Variants in PTPRT observed in about 807,000 individuals in gnomAD.
PTPRT encodes receptor-type tyrosine-protein phosphatase T.
A neutral mutation model predicts 176.8 loss-of-function variants in PTPRT; 56 were observed. That is an observed-to-expected ratio of 0.32 (90% confidence interval 0.26 to 0.40). The LOEUF (loss-of-function observed/expected upper bound fraction) is 0.40. Ranked by LOEUF, PTPRT falls within the 10% of genes least tolerant of loss-of-function variation. The pLI is 1.00. For synonymous variants in PTPRT, 783 were observed against 739.0 expected (o/e 1.06, Z -0.96); for missense variants, 1,540 against 1,908.2 (o/e 0.81, Z 3.60).
chr20:42,911,052 A>G (rs1221202335), intron 1 of PTPRT, among the ~76,000 whole-genome samples: 1 of 152,178 alleles, frequency 6.6e-6, no homozygotes, highest in African/African-American at 2.4e-5. Context: ...AACTGCCCCC[A>G]TGATTCAATT....
Position 42,717,851 on chromosome 20 carries a change from A to G in PTPRT, c.859+38611T>C, listed in dbSNP as rs555814883. On this transcript the variant is annotated intron_variant, in intron 6 of 30. Coordinates refer to ENST00000373187, the MANE Select transcript of PTPRT (RefSeq NM_007050.6). ...AGACCTGAATATCCAATTCAAACAC[A>G]TGACATCAAGATCACCTGTGTGTGT... is the stretch of plus-strand genomic sequence containing the variant. Among the ~76,000 whole-genome samples the G allele has an allele frequency of 1.8e-4, 27 of 151,996 alleles. 1 individual carries two copies. The South Asian group carries it at 5.4e-3, about 30-fold the overall frequency.
chr20:42,776,589 G>A (rs1178429757), intron 4 of PTPRT, among the ~76,000 whole-genome samples: 1 of 152,104 alleles, frequency 6.6e-6, no homozygotes, highest in African/African-American at 2.4e-5. Flanking sequence ...CTCCAGAACT[G>A]TGAGAAAATA....
intron 1 of PTPRT, among the ~76,000 whole-genome samples, chr20:43,186,913 G>A (rs2015408449): frequency 6.6e-6 from 1 of 152,162 alleles, no homozygotes. Context: ...TGTGGATTCT[G>A]AAACCCACTA....
chr20:42,108,070 A>G (rs897157976), intron 23 of PTPRT, among the ~76,000 whole-genome samples: 1 of 152,048 alleles, frequency 6.6e-6, no homozygotes, highest in Non-Finnish European at 1.5e-5. Flanking sequence ...TTTTTCTTCA[A>G]TGTTCATATT....
chr20:42,791,509 A>G (rs749024565), intron 2 of PTPRT, 43 bp from the exon 3 acceptor site: 1 of 1,552,324 alleles, frequency 6.4e-7, no homozygotes. Flanking sequence ...ACAAAGAGAA[A>G]GTAAGAAAAT....
At chr20:42,117,334 A>G (rs1041322936) in intron 21 of PTPRT, among the ~76,000 whole-genome samples, 3 of 152,330 alleles carry the variant, frequency 2.0e-5, no homozygotes, top group African/African-American at 7.2e-5. Context: ...TAGTTAGTTC[A>G]TATGATGTGT....
At chr20:42,521,750 G>A (rs916868084) in intron 7 of PTPRT, among the ~76,000 whole-genome samples, 2 of 152,126 alleles carry the variant, frequency 1.3e-5, no homozygotes, top group Non-Finnish European at 2.9e-5. Context: ...TGTATATAAA[G>A]TGCTTGGTTT....
chr20:42,192,173 C>CA (rs1991027444), intron 16 of PTPRT, among the ~76,000 whole-genome samples: 1 of 152,108 alleles, frequency 6.6e-6, no homozygotes, highest in South Asian at 2.1e-4. Flanking sequence ...TCCTTGACAT[C>CA]ACACACCATC....
intron 1 of PTPRT, among the ~76,000 whole-genome samples, chr20:42,945,947 T>C (rs1342016435): frequency 6.6e-6 from 1 of 152,138 alleles, no homozygotes. Context: ...TGTCTGCACA[T>C]TTCCAGAATC....
intron 27 of PTPRT, among the ~76,000 whole-genome samples, chr20:42,091,339 T>C (rs76486638): frequency 0.014 from 2,094 of 152,318 alleles, 14 homozygotes; most frequent in African/African-American, 0.025. Flanking sequence ...TTCTTGCTGA[T>C]GGAATCAGAA....
At chr20:42,850,635 A>G (rs2078452234) in intron 2 of PTPRT, among the ~76,000 whole-genome samples, 1 of 152,200 alleles carries the variant, frequency 6.6e-6, no homozygotes, top group Non-Finnish European at 1.5e-5. Context: ...CTGCAGTGTC[A>G]ACCCCAAAGG....
chr20:43,156,461 C>T (rs998869133), intron 1 of PTPRT, among the ~76,000 whole-genome samples: 11 of 152,124 alleles, frequency 7.2e-5, no homozygotes, highest in Non-Finnish European at 1.3e-4. Flanking sequence ...TGGACAGATG[C>T]CTGGATGGCA....
chr20:42,266,895 A>T (rs1418568480), intron 13 of PTPRT, among the ~76,000 whole-genome samples: 2 of 152,230 alleles, frequency 1.3e-5, no homozygotes, highest in Non-Finnish European at 2.9e-5. Context: ...TGAGGAACTG[A>T]ATTTAAAAAT....
chr20:42,511,004 T>A (rs1292006099), intron 7 of PTPRT, among the ~76,000 whole-genome samples: 2 of 151,990 alleles, frequency 1.3e-5, no homozygotes, highest in Non-Finnish European at 2.9e-5. Flanking sequence ...CATTCATGGA[T>A]TGATGGATTA....
intron 7 of PTPRT, among the ~76,000 whole-genome samples, chr20:42,532,045 G>A (rs191327303): frequency 6.6e-6 from 1 of 152,262 alleles, no homozygotes; most frequent in East Asian, 1.9e-4. Flanking sequence ...CTTGGGCTGG[G>A]GATAGGCAAG....
chr20:42,322,026 C>A (rs1415196554), intron 11 of PTPRT, among the ~76,000 whole-genome samples: 3 of 152,174 alleles, frequency 2.0e-5, no homozygotes, highest in Non-Finnish European at 4.4e-5. Flanking sequence ...TAGCCGAGAT[C>A]ACGCCACTGC....
chr20:42,065,496 G>C, the PTPRT span, among the ~76,000 whole-genome samples: 1 of 152,182 alleles, frequency 6.6e-6, no homozygotes, highest in Non-Finnish European at 1.5e-5. Flanking sequence ...ACAACGTTCT[G>C]GGAGTCCAGT....
intron 6 of PTPRT, among the ~76,000 whole-genome samples, chr20:42,738,736 G>C (rs150856010): frequency 6.6e-6 from 1 of 152,304 alleles, no homozygotes; most frequent in Non-Finnish European, 1.5e-5. Context: ...TGGAGACTAA[G>C]ATGGCACTGT....
intron 7 of PTPRT, among the ~76,000 whole-genome samples, chr20:42,544,509 A>G (rs1353814650): frequency 6.6e-6 from 1 of 152,102 alleles, no homozygotes; most frequent in African/African-American, 2.4e-5. Context: ...AGACCACTCA[A>G]ACTCTCTATG....
Sources: gnomAD v4.1 joint callset for allele counts (sites outside exome capture counted in the v4.1 genomes callset) on GRCh38, gnomAD v4.1.1 for gene constraint, MANE v1.5 for transcripts, NCBI Gene and HGNC (gene_info 2026-07-23, HGNC 2026-07-21) for gene names.